Variants in VAT1L observed in about 807,000 individuals in gnomAD.
VAT1L encodes the protein putative NADPH-dependent quinone oxidoreductase VAT1L.
A neutral mutation model predicts 44.1 loss-of-function variants in VAT1L; 34 were observed. The ratio of observed to expected loss-of-function variants is 0.77; its 90% CI spans 0.59 to 1.03. The LOEUF is 1.03. Among genes scored for constraint, VAT1L ranks in the 50% least tolerant of loss-of-function variants. VAT1L has a pLI of 0.00. For synonymous variants in VAT1L, 253 were observed against 202.2 expected (o/e 1.25, Z -2.13); for missense variants, 615 against 538.8 (o/e 1.14, Z -1.40).
intron 7 of VAT1L, among the ~76,000 whole-genome samples, chr16:77,949,233 G>C (rs964159539): frequency 2.0e-5 from 3 of 152,124 alleles, no homozygotes; most frequent in Non-Finnish European, 4.4e-5. Context: ...ATCTCTGATC[G>C]ACTGCCTGCA....
chr16:77,972,344 TC>T (rs1357789646), intron 8 of VAT1L, among the ~76,000 whole-genome samples: 6 of 150,658 alleles, frequency 4.0e-5, no homozygotes, highest in African/African-American at 1.5e-4. Context: ...AGAGAGAGAG[TC>T]TTAAACTCTG....
chr16:77,966,737 G>A (rs1597125434), intron 7 of VAT1L, among the ~76,000 whole-genome samples: 1 of 152,194 alleles, frequency 6.6e-6, no homozygotes, highest in African/African-American at 2.4e-5. Flanking sequence ...GAAATAGTTT[G>A]GATTCTTTTT....
At chr16:77,971,955 CTG>C in intron 8 of VAT1L, 22 bp downstream of exon 8, 2 of 1,606,110 alleles carry the variant, frequency 1.2e-6, no homozygotes, top group Non-Finnish European at 1.7e-6. Context: ...GCAGAGGAGT[CTG>C]TTCAGTTCCA....
chr16:77,848,312 A>G (rs546406998), intron 3 of VAT1L, among the ~76,000 whole-genome samples: 3 of 152,274 alleles, frequency 2.0e-5, no homozygotes, highest in African/African-American at 7.2e-5. Flanking sequence ...TGAGTCAGGA[A>G]GCTCCTCTTG....
At chr16:77,820,983 C>G (rs1034570624) in intron 2 of VAT1L, among the ~76,000 whole-genome samples, 1 of 152,190 alleles carries the variant, frequency 6.6e-6, no homozygotes, top group Non-Finnish European at 1.5e-5. Flanking sequence ...TTTAGACCTA[C>G]AGATGTTTCC....
Position 77,879,081 on chromosome 16 carries a change from G to A in VAT1L, c.827-88G>A. 7.2e-7 allele frequency: 1 copy of A among 1,384,928 alleles called. No individual in the cohort carries two copies. The highest frequency in any genetic ancestry group is 2.3e-5 in the East Asian group (1 of 43,610). 85.8% of individuals were successfully genotyped at this position (1,384,928 alleles called of 1,614,324 possible). A position where few individuals can be genotyped will look rare whatever the true frequency, so the allele number is the denominator to read the frequency against. ...TGTTTTCAAGATTTCTCCAGTTCCG[G>A]ACCAAACAATTGCCATTTTTTTCAT... On this transcript the variant is annotated intron_variant, in intron 5 of 8. Transcript: ENST00000302536. The surrounding 1 kb of genome is among the most constrained non-coding windows in gnomAD (Gnocchi z 4.1).
chr16:77,921,973 C>A (rs1276513773), intron 7 of VAT1L, among the ~76,000 whole-genome samples: 1 of 151,980 alleles, frequency 6.6e-6, no homozygotes, highest in East Asian at 1.9e-4. Flanking sequence ...GTCTTGAAGC[C>A]CTGGGCTCAA....
At chr16:77,811,678 C>T (rs1005397897) in intron 1 of VAT1L, among the ~76,000 whole-genome samples, 15 of 152,088 alleles carry the variant, frequency 9.9e-5, no homozygotes, top group African/African-American at 2.4e-4. Flanking sequence ...AGTATCATCA[C>T]GGGAGCAATG....
intron 7 of VAT1L, among the ~76,000 whole-genome samples, chr16:77,915,084 C>T (rs2017538792): frequency 6.6e-6 from 1 of 151,918 alleles, no homozygotes; most frequent in African/African-American, 2.4e-5. Flanking sequence ...GAGATTGTGC[C>T]ATTGCACTCC....
At chr16:77,849,701 A>T (rs1381964016) in intron 3 of VAT1L, among the ~76,000 whole-genome samples, 1 of 152,192 alleles carries the variant, frequency 6.6e-6, no homozygotes, top group Non-Finnish European at 1.5e-5. Flanking sequence ...TAAACATCCC[A>T]GTAGGAATTT....
intron 3 of VAT1L, among the ~76,000 whole-genome samples, chr16:77,842,155 G>A (rs898664147): frequency 1.3e-5 from 2 of 152,104 alleles, no homozygotes; most frequent in African/African-American, 4.8e-5. Context: ...CCAAAGTGCT[G>A]GGATTACAGG....
chr16:77,789,667 C>T (rs1449142100), intron 1 of VAT1L, among the ~76,000 whole-genome samples: 2 of 152,112 alleles, frequency 1.3e-5, no homozygotes, highest in African/African-American at 4.8e-5. Flanking sequence ...CCTCCATGCC[C>T]CTCTCCATCC....
intron 4 of VAT1L, among the ~76,000 whole-genome samples, chr16:77,868,154 C>T (rs925572301): frequency 2.0e-5 from 3 of 152,114 alleles, no homozygotes; most frequent in Admixed American, 6.5e-5. Flanking sequence ...GCCTATTTTA[C>T]AATAAAGTGT....
chr16:77,973,919 G>T (rs1055274895), intron 8 of VAT1L, among the ~76,000 whole-genome samples: 3 of 151,682 alleles, frequency 2.0e-5, no homozygotes, highest in African/African-American at 7.3e-5. Flanking sequence ...GTACAGACTG[G>T]GTTTCACCAT....
At chr16:77,926,403 G>C (rs558552383) in intron 7 of VAT1L, among the ~76,000 whole-genome samples, 58 of 151,964 alleles carry the variant, frequency 3.8e-4, no homozygotes, top group African/African-American at 1.4e-3. Flanking sequence ...GGCCAACATG[G>C]TGAAACCCCA....
At chr16:77,886,535 C>T (rs1031361396) in intron 7 of VAT1L, among the ~76,000 whole-genome samples, 1 of 152,104 alleles carries the variant, frequency 6.6e-6, no homozygotes, top group African/African-American at 2.4e-5. Context: ...TTGAAATCAC[C>T]CCTTGGTTAC....
intron 3 of VAT1L, among the ~76,000 whole-genome samples, chr16:77,843,410 C>T (rs959128603): frequency 6.6e-6 from 1 of 152,090 alleles, no homozygotes; most frequent in Non-Finnish European, 1.5e-5. Flanking sequence ...AGGTTGACCC[C>T]CAGGAGAGAT....
chr16:77,864,516 G>A (rs1035782681), intron 4 of VAT1L, among the ~76,000 whole-genome samples: 9 of 152,174 alleles, frequency 5.9e-5, no homozygotes, highest in South Asian at 2.1e-4. Context: ...TGAGGTGGGT[G>A]GATCGCTTGA....
chr16:77,863,430 CA>C (rs2016937291), intron 4 of VAT1L, among the ~76,000 whole-genome samples: 1 of 152,230 alleles, frequency 6.6e-6, no homozygotes. Context: ...TTACTGAAAG[CA>C]AACTGAGAAA....
Sources: allele counts gnomAD v4.1 joint callset (sites outside exome capture counted in the v4.1 genomes callset), GRCh38; gene constraint gnomAD v4.1.1; non-coding constraint Gnocchi (gnomAD v3.1); transcripts MANE v1.5; gene names NCBI Gene and HGNC (gene_info 2026-07-23, HGNC 2026-07-21).